The following RAP1A variants were observed in gnomAD, a reference collection of about 807,000 sequenced individuals.
RAP1A encodes the protein RAP1A, member of RAS oncogene family.
Under a neutral mutation model 26.4 loss-of-function variants are expected in RAP1A, and 6 were observed. That is an observed-to-expected ratio of 0.23 (90% CI 0.12 to 0.45). RAP1A has a LOEUF of 0.45. RAP1A is among the 20% of genes least tolerant of loss of function. The probability of loss-of-function intolerance (pLI) is 0.99; values close to 1 mark genes in which losing one functional copy is unlikely to be tolerated. For missense variants in RAP1A, 121 were observed against 217.2 expected (o/e 0.56, Z 2.78); for synonymous variants, 73 against 79.4 (o/e 0.92, Z 0.43).
At chr1:111,549,996 A>G (rs77375736) in intron 1 of RAP1A, among the ~76,000 whole-genome samples, 4,121 of 152,116 alleles carry the variant, frequency 0.027, 177 homozygotes, top group African/African-American at 0.094. Flanking sequence ...TACTGATTCA[A>G]TTTGTTTACT....
intron 4 of RAP1A, among the ~76,000 whole-genome samples, chr1:111,698,318 AG>A (rs1366787559): frequency 6.6e-6 from 1 of 152,154 alleles, no homozygotes; most frequent in African/African-American, 2.4e-5. Context: ...TCTGTCACCT[AG>A]GCTAGGGTGT....
intron 1 of RAP1A, among the ~76,000 whole-genome samples, chr1:111,631,239 T>C (rs1557871663): frequency 2.0e-5 from 3 of 152,154 alleles, no homozygotes; most frequent in Admixed American, 6.5e-5. Context: ...CTTTGGCAAT[T>C]TGAGAATTTT....
chr1:111,666,519 A>G (rs1660799850), intron 1 of RAP1A, among the ~76,000 whole-genome samples: 1 of 152,208 alleles, frequency 6.6e-6, no homozygotes, highest in South Asian at 2.1e-4. Context: ...CTCAGATCAC[A>G]TTGCAGATAT....
intron 1 of RAP1A, among the ~76,000 whole-genome samples, chr1:111,635,819 C>T (rs560660005): frequency 6.6e-6 from 1 of 152,018 alleles, no homozygotes; most frequent in South Asian, 2.1e-4. Context: ...GTGATCCCCC[C>T]ACCTCAGCCT....
chr1:111,670,085 C>G (rs906493432), intron 1 of RAP1A, among the ~76,000 whole-genome samples: 11 of 151,760 alleles, frequency 7.2e-5, no homozygotes, highest in South Asian at 4.2e-4. Context: ...TTTTTGTTCT[C>G]ACTATTTGCA....
chr1:111,571,495 G>T (rs1205270146), intron 1 of RAP1A, among the ~76,000 whole-genome samples: 1 of 152,164 alleles, frequency 6.6e-6, no homozygotes, highest in African/African-American at 2.4e-5. Context: ...ATCCAGATGT[G>T]GTTAAAGGGG....
At chr1:111,566,479 C>A (rs1385928773) in intron 1 of RAP1A, among the ~76,000 whole-genome samples, 1 of 152,150 alleles carries the variant, frequency 6.6e-6, no homozygotes, top group Admixed American at 6.5e-5. Flanking sequence ...AATGACTGAG[C>A]TCCTAAAGGG....
At chr1:111,614,756 T>C (rs1053763795) in intron 1 of RAP1A, among the ~76,000 whole-genome samples, 1 of 152,196 alleles carries the variant, frequency 6.6e-6, no homozygotes, top group Admixed American at 6.5e-5. Context: ...TTCATGAAAG[T>C]GCATAACTAC....
At chr1:111,670,550 G>GATA (rs1294414905) in intron 1 of RAP1A, among the ~76,000 whole-genome samples, 2 of 151,852 alleles carry the variant, frequency 1.3e-5, no homozygotes, top group Non-Finnish European at 2.9e-5. Flanking sequence ...AAAAACATTA[G>GATA]AATAAACTAA....
chr1:111,606,857 A>G (rs1231734093), intron 1 of RAP1A, among the ~76,000 whole-genome samples: 1 of 152,186 alleles, frequency 6.6e-6, no homozygotes, highest in East Asian at 1.9e-4. Flanking sequence ...AGAGAACAAA[A>G]GCATACTCGA....
chr1:111,619,365 T>G (rs1461011292), upstream of RAP1A, among the ~76,000 whole-genome samples: 1 of 152,156 alleles, frequency 6.6e-6, no homozygotes, highest in Non-Finnish European at 1.5e-5. Flanking sequence ...GTCACTTGTT[T>G]GTTGTCTGTC....
At chr1:111,580,473 T>C (rs1184949724) in intron 1 of RAP1A, among the ~76,000 whole-genome samples, 1 of 152,174 alleles carries the variant, frequency 6.6e-6, no homozygotes, top group Non-Finnish European at 1.5e-5. Flanking sequence ...GTAAAAACTT[T>C]GGAATTGGCA....
intron 2 of RAP1A, among the ~76,000 whole-genome samples, chr1:111,693,904 T>G (rs1661750747): frequency 2.0e-5 from 3 of 151,826 alleles, no homozygotes; most frequent in African/African-American, 7.3e-5. Flanking sequence ...TGCCTTTTTT[T>G]TTTTTTTAAA....
At chr1:111,697,309 C>A in intron 3 of RAP1A, 132 bp from the exon 4 acceptor site, 1 of 1,517,260 alleles carries the variant, frequency 6.6e-7, no homozygotes, top group Admixed American at 2.1e-5. Context: ...AGTTTACCCC[C>A]AGCCATTACA....
At chr1:111,697,778 G>A (rs1377822694) in intron 4 of RAP1A, among the ~76,000 whole-genome samples, 1 of 152,074 alleles carries the variant, frequency 6.6e-6, no homozygotes, top group African/African-American at 2.4e-5. Flanking sequence ...TTTAAATTTA[G>A]AGCTTTAGTT....
chr1:111,704,973 C>G (rs2101294515), intron 6 of RAP1A, among the ~76,000 whole-genome samples: 1 of 152,112 alleles, frequency 6.6e-6, no homozygotes, highest in South Asian at 2.1e-4. Context: ...TTCACTCAGT[C>G]CTTTAGGCCT....
chr1:111,683,965 G>A (rs1470573660), intron 1 of RAP1A, among the ~76,000 whole-genome samples: 1 of 152,186 alleles, frequency 6.6e-6, no homozygotes, highest in African/African-American at 2.4e-5. Context: ...TATCCACTGC[G>A]ATCAAGTTGG....
At chr1:111,586,182 G>A (rs1658361477) in intron 1 of RAP1A, among the ~76,000 whole-genome samples, 2 of 152,070 alleles carry the variant, frequency 1.3e-5, no homozygotes, top group South Asian at 2.1e-4. Flanking sequence ...CTACAAATAC[G>A]GGAATCATAG....
intron 1 of RAP1A, among the ~76,000 whole-genome samples, chr1:111,610,614 A>C (rs1157227684): frequency 6.6e-6 from 1 of 151,674 alleles, no homozygotes; most frequent in Non-Finnish European, 1.5e-5. Context: ...GGGAAGATGG[A>C]GTTCTTCCTT....
Sources: allele counts gnomAD v4.1 joint callset (sites outside exome capture counted in the v4.1 genomes callset), GRCh38; gene constraint gnomAD v4.1.1; transcripts MANE v1.5; gene names NCBI Gene and HGNC (gene_info 2026-07-23, HGNC 2026-07-21).